The following DTNB variants were observed in gnomAD, a reference collection of about 807,000 sequenced individuals.
DTNB encodes DTN-B.
In DTNB, 63 loss-of-function variants were observed where a neutral mutation model predicts 90.7. The ratio of observed to expected loss-of-function variants is 0.69; its 90% CI spans 0.57 to 0.86. The LOEUF (loss-of-function observed/expected upper bound fraction) is 0.86, where lower values mean the gene tolerates loss of function less well. DTNB is among the 40% of genes least tolerant of loss of function. The probability of loss-of-function intolerance (pLI) is 0.00; values close to 1 mark genes in which losing one functional copy is unlikely to be tolerated. For synonymous variants in DTNB, 277 were observed against 286.7 expected, an observed-to-expected ratio of 0.97 and a Z score of 0.34; for missense variants, 744 against 807.1, an observed-to-expected ratio of 0.92 and a Z score of 0.95.
chr2:25,435,541 G>A (rs1416352335), intron 12 of DTNB, among the ~76,000 whole-genome samples: 1 of 152,256 alleles, frequency 6.6e-6, no homozygotes, highest in East Asian at 1.9e-4. Context: ...TGTTTTTAAA[G>A]TTCACCCATG....
At chr2:25,522,495 G>A (rs2150812431) in intron 9 of DTNB, among the ~76,000 whole-genome samples, 1 of 152,178 alleles carries the variant, frequency 6.6e-6, no homozygotes, top group South Asian at 2.1e-4. Context: ...CAGGTAATAG[G>A]AATTCGGCGG....
chr2:25,534,541 C>T (rs1170067890), intron 8 of DTNB, among the ~76,000 whole-genome samples: 1 of 152,162 alleles, frequency 6.6e-6, no homozygotes, highest in South Asian at 2.1e-4. Context: ...GGTACACTTC[C>T]CAGATGGGGC....
At chr2:25,644,695 G>A (rs1261961740) in intron 2 of DTNB, among the ~76,000 whole-genome samples, 22 of 152,178 alleles carry the variant, frequency 1.4e-4, no homozygotes, top group Admixed American at 1.1e-3. Flanking sequence ...GAAGGCGGAG[G>A]CTTCAGTGGG....
At chr2:25,645,815 A>G (rs1206116680) in intron 2 of DTNB, among the ~76,000 whole-genome samples, 1 of 152,242 alleles carries the variant, frequency 6.6e-6, no homozygotes, top group Non-Finnish European at 1.5e-5. Context: ...ATACCCTCAT[A>G]TTTGAAAAAA....
chr2:25,628,435 C>T (rs1032453884), intron 3 of DTNB, 51 bp from the exon 4 acceptor site: 2 of 1,522,326 alleles, frequency 1.3e-6, no homozygotes, highest in South Asian at 2.4e-5. Flanking sequence ...GTGGTACTAC[C>T]CTTCACAATA....
chr2:25,523,338 C>T (rs1026322836), intron 9 of DTNB, among the ~76,000 whole-genome samples: 1 of 152,112 alleles, frequency 6.6e-6, no homozygotes, highest in South Asian at 2.1e-4. Context: ...TCTTAGCAAG[C>T]GTTAAGAATT....
At chr2:25,536,304 C>T (rs949727717) in intron 8 of DTNB, among the ~76,000 whole-genome samples, 1 of 152,174 alleles carries the variant, frequency 6.6e-6, no homozygotes, top group African/African-American at 2.4e-5. Flanking sequence ...CACGGGGTGG[C>T]GGGCGGGCAG....
At chr2:25,631,084 T>C (rs2559097) in intron 3 of DTNB, among the ~76,000 whole-genome samples, 87,863 of 151,746 alleles carry the variant, frequency 0.58, 25,941 homozygotes, top group East Asian at 0.79. Context: ...AATGGGTATG[T>C]GGTTTGTTTC....
At chr2:25,427,426 TA>T in intron 15 of DTNB, 108 bp downstream of exon 15, 3 of 1,039,026 alleles carry the variant, frequency 2.9e-6, no homozygotes, top group Non-Finnish European at 4.1e-6. Flanking sequence ...GATTCTAGGC[TA>T]AAGTCAAGCC....
At chr2:25,391,176 G>A (rs1339575739) in intron 16 of DTNB, among the ~76,000 whole-genome samples, 1 of 152,142 alleles carries the variant, frequency 6.6e-6, no homozygotes, top group African/African-American at 2.4e-5. Flanking sequence ...GATTACAGGT[G>A]TGAGCCACCG....
intron 1 of DTNB, among the ~76,000 whole-genome samples, chr2:25,666,430 A>G (rs141506646): frequency 6.6e-6 from 1 of 152,324 alleles, no homozygotes; most frequent in African/African-American, 2.4e-5. Context: ...CTAACAGTGA[A>G]ACACTGGAAA....
chr2:25,443,456 G>A (rs527810195), intron 12 of DTNB, among the ~76,000 whole-genome samples: 7 of 152,176 alleles, frequency 4.6e-5, no homozygotes, highest in Admixed American at 1.3e-4. Flanking sequence ...AAGGGATGCC[G>A]ACACAGTCAG....
Position 25,535,829 on chromosome 2 carries a change from T to C in DTNB, c.877-4232A>G, listed in dbSNP as rs1369004228. The stretch of plus-strand genomic sequence containing the variant: ...CAGCCGGGCAGAGGTGCTCCTCACT[T>C]CCTCCCAAACGGGGCGGCCGGGCAG... On this transcript the variant is annotated intron_variant, in intron 8 of 20. Transcript: ENST00000406818. 3.2e-5 allele frequency among the ~76,000 whole-genome samples: 4 copies of C among 125,030 alleles called. No homozygotes were observed. In the East Asian group the frequency reaches 1.0e-3, roughly 32 times the overall value. The allele number at this position is 125,030 out of a possible 152,430, so 82.0% of individuals were successfully genotyped here. A position where few individuals can be genotyped will look rare whatever the true frequency, so the allele number is the denominator to read the frequency against.
rs534809421 is a variant in DTNB, at chr2:25,419,552, G to GA, written c.1555-18dup. On this transcript the variant is annotated splice_polypyrimidine_tract_variant and intron_variant, in intron 15 of 20. Coordinates refer to ENST00000406818, the MANE Select transcript of DTNB (RefSeq NM_021907.5). ...CTCTTCCTCCTGGAGTGTTGAAGAT[G>GA]AAAAAAAAAGGCAGAGGAAAAAAGG... 1.4e-4 allele frequency: 217 copies of GA among 1,523,536 alleles called. No individual in the cohort carries two copies. The highest frequency in any genetic ancestry group is 1.6e-4 in the Non-Finnish European group (182 of 1,134,412). The allele number at this position is 1,523,536 out of a possible 1,614,324, so 94.4% of individuals were successfully genotyped here. A position where few individuals can be genotyped will look rare whatever the true frequency, so the allele number is the denominator to read the frequency against.
chr2:25,643,256 T>C (rs1048647503), intron 2 of DTNB, among the ~76,000 whole-genome samples: 1 of 152,046 alleles, frequency 6.6e-6, no homozygotes, highest in African/African-American at 2.4e-5. Flanking sequence ...AGCCCTTCCT[T>C]CACCTCCTCA....
rs140516452 is a variant in DTNB at position 25,512,947 on chromosome 2, G to A, written c.1001+18526C>T. On this transcript the variant is annotated intron_variant, in intron 9 of 20. Transcript: ENST00000406818. ...GGCCTTGAATTCCAGCACGAGGAGT[G>A]CCTCCTTCATTCTACAGGCAGTGAG... 3.2e-4 allele frequency among the ~76,000 whole-genome samples: 49 copies of A among 152,342 alleles called. No homozygotes were observed. The East Asian group carries it at 7.5e-3, about 23-fold the overall frequency.
At chr2:25,627,280 C>T (rs899319206) in intron 4 of DTNB, among the ~76,000 whole-genome samples, 18 of 152,024 alleles carry the variant, frequency 1.2e-4, no homozygotes, top group African/African-American at 3.1e-4. Context: ...GGCGTGGTGG[C>T]GCATGTCTGT....
intron 9 of DTNB, among the ~76,000 whole-genome samples, chr2:25,502,900 A>T (rs2071137835): frequency 2.0e-5 from 3 of 149,576 alleles, no homozygotes; most frequent in African/African-American, 7.4e-5. Context: ...AAAAAAAAAA[A>T]AAAATCAGCA....
At chr2:25,520,972 G>A (rs2076032549) in intron 9 of DTNB, among the ~76,000 whole-genome samples, 1 of 152,138 alleles carries the variant, frequency 6.6e-6, no homozygotes. Context: ...AAATTGGTTG[G>A]CTTAGCTGTT....
Sources: allele counts gnomAD v4.1 joint callset (sites outside exome capture counted in the v4.1 genomes callset), GRCh38; gene constraint gnomAD v4.1.1; transcripts MANE v1.5; gene names NCBI Gene and HGNC (gene_info 2026-07-23, HGNC 2026-07-21).